The following DNAAF9 variants were observed in gnomAD, a reference collection of about 807,000 sequenced individuals.
DNAAF9 encodes the protein shulin.
Under a neutral mutation model 167.0 loss-of-function variants are expected in DNAAF9, and 90 were observed. That is an observed-to-expected ratio of 0.54 (90% CI 0.45 to 0.64). The LOEUF (loss-of-function observed/expected upper bound fraction) is 0.64. Ranked by LOEUF, DNAAF9 falls within the 30% of genes least tolerant of loss-of-function variation. The pLI, the probability that DNAAF9 is intolerant of heterozygous loss-of-function variation, is 0.00. For synonymous variants in DNAAF9, 491 were observed against 508.8 expected (o/e 0.96, Z 0.47); for missense variants, 1,315 against 1,442.2 (o/e 0.91, Z 1.43).
intron 8 of DNAAF9, among the ~76,000 whole-genome samples, chr20:3,346,829 A>C (rs1439616653): frequency 6.6e-6 from 1 of 152,176 alleles, no homozygotes; most frequent in East Asian, 1.9e-4. Context: ...TAATAGAAGA[A>C]GAAAAAAGAA....
At chr20:3,404,353 C>G (rs930218755) in intron 1 of DNAAF9, among the ~76,000 whole-genome samples, 17 of 152,096 alleles carry the variant, frequency 1.1e-4, no homozygotes. Context: ...TAGTTCTCAT[C>G]ACACTGTCAA....
intron 35 of DNAAF9, among the ~76,000 whole-genome samples, chr20:3,254,511 G>C (rs1021991999): frequency 3.9e-5 from 6 of 152,090 alleles, no homozygotes; most frequent in Admixed American, 2.0e-4. Context: ...GCTTTCAGGG[G>C]AACATGCATT....
intron 7 of DNAAF9, among the ~76,000 whole-genome samples, chr20:3,353,323 C>G (rs1247358111): frequency 6.6e-6 from 1 of 151,866 alleles, no homozygotes; most frequent in Non-Finnish European, 1.5e-5. Context: ...TCAGCTTTAC[C>G]AGAATGCTTC....
intron 8 of DNAAF9, among the ~76,000 whole-genome samples, chr20:3,347,304 T>A (rs544957692): frequency 2.0e-5 from 3 of 152,164 alleles, no homozygotes; most frequent in African/African-American, 7.2e-5. Flanking sequence ...AAAAATATAT[T>A]TCAAAAATGA....
chr20:3,310,155 G>T (rs1024319879), intron 20 of DNAAF9, among the ~76,000 whole-genome samples: 2 of 151,700 alleles, frequency 1.3e-5, no homozygotes, highest in African/African-American at 4.9e-5. Flanking sequence ...TCGTGCCATT[G>T]CACTCTAGCC....
At chr20:3,351,473 A>G (rs1312072596) in intron 7 of DNAAF9, among the ~76,000 whole-genome samples, 4 of 151,700 alleles carry the variant, frequency 2.6e-5, no homozygotes, top group Non-Finnish European at 5.9e-5. Flanking sequence ...AACAAGAGTG[A>G]GACTCCATCT....
At chr20:3,337,535 T>C (rs568485197) in intron 10 of DNAAF9, among the ~76,000 whole-genome samples, 148 of 152,038 alleles carry the variant, frequency 9.7e-4, no homozygotes, top group African/African-American at 3.4e-3. Flanking sequence ...ATTTTTATGA[T>C]GGTTGCTCTA....
At chr20:3,275,378 C>A (rs2122833291) in intron 29 of DNAAF9, among the ~76,000 whole-genome samples, 1 of 152,264 alleles carries the variant, frequency 6.6e-6, no homozygotes, top group East Asian at 1.9e-4. Flanking sequence ...GCAAATGTGG[C>A]CATATGAACG....
intron 29 of DNAAF9, among the ~76,000 whole-genome samples, chr20:3,273,335 T>C (rs1600686088): frequency 1.3e-5 from 2 of 152,142 alleles, no homozygotes; most frequent in African/African-American, 2.4e-5. Context: ...ACTCAGAACA[T>C]ATAGAAAGTG....
intron 29 of DNAAF9, among the ~76,000 whole-genome samples, chr20:3,272,736 T>G (rs1488544912): frequency 6.6e-6 from 1 of 152,224 alleles, no homozygotes; most frequent in Admixed American, 6.5e-5. Flanking sequence ...AATAGAATTC[T>G]CACAGGTGTT....
intron 12 of DNAAF9, among the ~76,000 whole-genome samples, chr20:3,329,823 A>C (rs1033541760): frequency 6.6e-6 from 1 of 152,234 alleles, no homozygotes; most frequent in Non-Finnish European, 1.5e-5. Flanking sequence ...TAATAGTTTC[A>C]GCACTAATGA....
intron 4 of DNAAF9, among the ~76,000 whole-genome samples, 180 bp from the exon 5 acceptor site, chr20:3,375,306 T>TTCA (rs1308643103): frequency 6.6e-6 from 1 of 152,216 alleles, no homozygotes; most frequent in Non-Finnish European, 1.5e-5. Context: ...TGTTATGCCC[T>TTCA]TATTTCATAT....
intron 7 of DNAAF9, among the ~76,000 whole-genome samples, chr20:3,358,020 A>T (rs183300771): frequency 1.6e-4 from 24 of 151,894 alleles, no homozygotes; most frequent in African/African-American, 5.5e-4. Context: ...AAATATATAT[A>T]TTTTTAAAAT....
At chr20:3,387,534 C>T (rs1454140771) in intron 1 of DNAAF9, among the ~76,000 whole-genome samples, 2 of 152,084 alleles carry the variant, frequency 1.3e-5, no homozygotes, top group Non-Finnish European at 2.9e-5. Flanking sequence ...AACTATAAAA[C>T]TTTTATAACA....
intron 29 of DNAAF9, among the ~76,000 whole-genome samples, chr20:3,276,902 C>G (rs531790824): frequency 6.6e-6 from 1 of 152,170 alleles, no homozygotes; most frequent in Non-Finnish European, 1.5e-5. Context: ...AACTAAAGCT[C>G]TTCTCAAGGA....
chr20:3,389,392 C>A (rs1401520353), intron 1 of DNAAF9, among the ~76,000 whole-genome samples: 1 of 151,646 alleles, frequency 6.6e-6, no homozygotes, highest in Admixed American at 6.6e-5. Context: ...CTCAAGCAAT[C>A]TGCCCACCTT....
chr20:3,285,913 G>A (rs1433122629), intron 27 of DNAAF9, among the ~76,000 whole-genome samples: 1 of 151,532 alleles, frequency 6.6e-6, no homozygotes, highest in East Asian at 1.9e-4. Context: ...TCGGGAGGTG[G>A]AGGTTGCAGT....
At chr20:3,325,797 T>A (rs113696875) in intron 13 of DNAAF9, among the ~76,000 whole-genome samples, 2,340 of 152,042 alleles carry the variant, frequency 0.015, 30 homozygotes, top group Non-Finnish European at 0.023. Flanking sequence ...TCTTTAGCTA[T>A]TTTTTTTAAA....
chr20:3,289,258 A>G (rs920361188), intron 26 of DNAAF9, among the ~76,000 whole-genome samples: 1 of 152,202 alleles, frequency 6.6e-6, no homozygotes, highest in Non-Finnish European at 1.5e-5. Flanking sequence ...CACGTTGTGC[A>G]CATGTATTCT....
Sources: gnomAD v4.1 joint callset for allele counts (sites outside exome capture counted in the v4.1 genomes callset) on GRCh38, gnomAD v4.1.1 for gene constraint, MANE v1.5 for transcripts, NCBI Gene and HGNC (gene_info 2026-07-23, HGNC 2026-07-21) for gene names.